The following AGBL3 variants were observed in gnomAD, a reference collection of about 807,000 sequenced individuals.
The protein encoded by AGBL3 is AGBL carboxypeptidase 3, also known as cytosolic carboxypeptidase 3.
In AGBL3, 68 loss-of-function variants were observed where a neutral mutation model predicts 94.5. The ratio of observed to expected loss-of-function variants is 0.72; its 90% confidence interval spans 0.59 to 0.88. The LOEUF (loss-of-function observed/expected upper bound fraction) is 0.88, where lower values mean the gene tolerates loss of function less well. Ranked by LOEUF, AGBL3 falls within the 40% of genes least tolerant of loss-of-function variation. The pLI, the probability that AGBL3 is intolerant of heterozygous loss-of-function variation, is 0.00. For missense variants in AGBL3, 934 were observed against 1,103.8 expected (o/e 0.85, Z 2.18); for synonymous variants, 354 against 370.7 (o/e 0.95, Z 0.52).
chr7:135,031,952 TTCTC>T lies in AGBL3; in HGVS notation c.419-886_419-883del, dbSNP rs1260850601. Among the ~76,000 whole-genome samples, 9 of 152,142 alleles carry T rather than the reference TTCTC, an allele frequency of 5.9e-5. No individual in the cohort carries two copies. In the East Asian group the frequency reaches 1.2e-3, roughly 20 times the overall value. ...GAAACCGCTATGTAGACTGTTGAGG[TTCTC>T]TCTCTATGTAGCTTTCTTTTCCCTG... On this transcript the variant is annotated intron_variant, in intron 5 of 16. Coordinates refer to ENST00000436302, the MANE Select transcript of AGBL3 (RefSeq NM_178563.4).
intron 11 of AGBL3, among the ~76,000 whole-genome samples, chr7:135,048,341 T>C (rs1817563807): frequency 6.6e-6 from 1 of 151,914 alleles, no homozygotes; most frequent in Non-Finnish European, 1.5e-5. Context: ...TCATGGTCTT[T>C]GGTGTTTCCA....
At chr7:135,030,826 G>C (rs1815659445) in intron 5 of AGBL3, among the ~76,000 whole-genome samples, 1 of 151,456 alleles carries the variant, frequency 6.6e-6, no homozygotes, top group Non-Finnish European at 1.5e-5. Context: ...TCTTTTGCAA[G>C]CTTTAACTCT....
At chr7:134,992,690 T>G (rs550148412) in intron 3 of AGBL3, among the ~76,000 whole-genome samples, 1 of 152,332 alleles carries the variant, frequency 6.6e-6, no homozygotes, top group East Asian at 1.9e-4. Flanking sequence ...AGAGGCTGCC[T>G]TGCCCAAACA....
At chr7:135,016,575 T>C (rs1563186527) in intron 4 of AGBL3, among the ~76,000 whole-genome samples, 1 of 152,124 alleles carries the variant, frequency 6.6e-6, no homozygotes, top group South Asian at 2.1e-4. Context: ...AGAAAGCTGA[T>C]AGCTAAAGGA....
intron 5 of AGBL3, among the ~76,000 whole-genome samples, chr7:135,020,760 G>T (rs1426989793): frequency 6.6e-6 from 1 of 151,952 alleles, no homozygotes; most frequent in Admixed American, 6.6e-5. Context: ...TCCCTTGTAG[G>T]GACATGGATT....
chr7:135,074,146 T>G (rs1448392629), intron 12 of AGBL3, among the ~76,000 whole-genome samples: 1 of 152,176 alleles, frequency 6.6e-6, no homozygotes, highest in East Asian at 1.9e-4. Context: ...GTGGTAATAA[T>G]TTCAAAATGT....
chr7:135,131,114 A>G (rs12707215), intron 16 of AGBL3, among the ~76,000 whole-genome samples: 67,129 of 151,974 alleles, frequency 0.44, 15,489 homozygotes, highest in East Asian at 0.78. Context: ...TAAATTTAAA[A>G]ATCATCTTGT....
At position 135,067,423 on chromosome 7, in the gene AGBL3, G is replaced by C. The variant is rs1037801410; in HGVS notation, c.1908+8188G>C. Among the ~76,000 whole-genome samples, 19 of 152,208 alleles carry C rather than the reference G, an allele frequency of 1.2e-4. 1 individual carries two copies. The highest frequency in any genetic ancestry group is 4.6e-4 in the African/African-American group (19 of 41,436). ...TCACAGCACGCAACTGGAGATCTGAGAACGAGCAGACTGCCTCCTCAAGTG... is the reference window on the plus strand; with the variant it reads ...TCACAGCACGCAACTGGAGATCTGACAACGAGCAGACTGCCTCCTCAAGTG... On this transcript the variant is annotated intron_variant, in intron 12 of 16. Transcript: ENST00000436302.
chr7:135,000,953 C>G (rs1811641801), intron 4 of AGBL3, among the ~76,000 whole-genome samples: 1 of 152,140 alleles, frequency 6.6e-6, no homozygotes, highest in Non-Finnish European at 1.5e-5. Flanking sequence ...ACCAGGTATT[C>G]TATACTATTT....
chr7:135,099,559 T>TA (rs1025127464), intron 15 of AGBL3, among the ~76,000 whole-genome samples: 5 of 152,198 alleles, frequency 3.3e-5, no homozygotes, highest in Non-Finnish European at 5.9e-5. Flanking sequence ...TCTTGGCTTC[T>TA]AAAAAAATAT....
chr7:135,135,066 C>A lies in AGBL3; in HGVS notation c.2568C>A (p.Ser856Arg). The A allele has an allele frequency of 6.4e-7, 1 of 1,551,224 alleles. No homozygotes were observed. Among genetic ancestry groups the A allele is most frequent in the South Asian group, 1.2e-5 (1 of 84,054 alleles). The change falls in exon 17 of 17, where the codon AGC (serine) becomes AGA (arginine). Residue 856 changes from serine to arginine, a missense_variant. Ser to Arg is a moderately radical substitution (Grantham distance 110). This residue lies in a region of AGBL3 where 441 missense variants were observed against 518.2 expected (regional missense o/e 0.85). Transcript: ENST00000436302. ...AGAATGAAGACATAAAACCTCTCAG[C>A]AGCAAGTGGGAGACTGCTTCTTCAA... is the stretch of plus-strand genomic sequence containing the variant. Reference protein sequence around the residue: ...AIKNEDIKPLSSKWETASSSF... With the variant: ...AIKNEDIKPLRSKWETASSSF...
chr7:135,079,222 T>C (rs986714879), intron 13 of AGBL3, among the ~76,000 whole-genome samples: 1 of 152,220 alleles, frequency 6.6e-6, no homozygotes, highest in Non-Finnish European at 1.5e-5. Context: ...TTACTAATTT[T>C]CTTCAGCCTG....
At chr7:134,995,248 A>G (rs1011619906) in intron 4 of AGBL3, 1 of 152,198 alleles carries the variant, frequency 6.6e-6, no homozygotes, top group Non-Finnish European at 1.5e-5. Flanking sequence ...AGAGACCCAA[A>G]AGGAAGAGGA....
At chr7:135,104,936 C>T (rs1006451252) in intron 15 of AGBL3, among the ~76,000 whole-genome samples, 1 of 152,012 alleles carries the variant, frequency 6.6e-6, no homozygotes, top group Non-Finnish European at 1.5e-5. Context: ...AATTAGATCT[C>T]ATTTGTCAAT....
intron 5 of AGBL3, among the ~76,000 whole-genome samples, chr7:135,021,055 A>T (rs537870205): frequency 3.5e-3 from 44 of 12,434 alleles, no homozygotes; most frequent in Middle Eastern, 0.062. Context: ...CTTAAATAAT[A>T]AAAAAAAAAA....
rs374983294 is a variant in AGBL3, at chr7:135,047,999, CTTATA to C, written c.1841+2091_1841+2095del. Among the ~76,000 whole-genome samples the C allele has an allele frequency of 1.6e-4, 25 of 151,950 alleles. No individual in the cohort carries two copies. In the Middle Eastern group the frequency reaches 0.014, roughly 83 times the overall value. Reference sequence around the variant, plus strand: ...TTCTGGAAGTTTTATAGTTTCAGCTCTTATATTTAAGTGTTTAGCCCATTTTGAGT... The same window carrying C: ...TTCTGGAAGTTTTATAGTTTCAGCTCTTTAAGTGTTTAGCCCATTTTGAGT... On this transcript the variant is annotated intron_variant, in intron 11 of 16. Coordinates refer to ENST00000436302, the MANE Select transcript of AGBL3 (RefSeq NM_178563.4).
chr7:135,121,873 C>T (rs1459273982), intron 16 of AGBL3, among the ~76,000 whole-genome samples: 1 of 152,174 alleles, frequency 6.6e-6, no homozygotes, highest in African/African-American at 2.4e-5. Context: ...GCCGGGGAAA[C>T]CGTGCTTTTT....
chr7:135,001,452 A>AT (rs1402805536), intron 4 of AGBL3, among the ~76,000 whole-genome samples: 16 of 152,112 alleles, frequency 1.1e-4, no homozygotes, highest in African/African-American at 3.4e-4. Context: ...TTGAGGTAAC[A>AT]TTTTTTATTG....
At chr7:135,116,813 C>T (rs1311568442) in intron 16 of AGBL3, among the ~76,000 whole-genome samples, 1 of 152,180 alleles carries the variant, frequency 6.6e-6, no homozygotes, top group Admixed American at 6.5e-5. Flanking sequence ...TATTGCCTAA[C>T]ATTTTCTATA....
Sources: allele counts gnomAD v4.1 joint callset (sites outside exome capture counted in the v4.1 genomes callset), GRCh38; gene constraint gnomAD v4.1.1; regional missense constraint gnomAD v4.1.1; transcripts MANE v1.5; gene names NCBI Gene and HGNC (gene_info 2026-07-23, HGNC 2026-07-21).